CSMD1: variants seen among roughly 807,000 people sequenced by gnomAD.
The protein encoded by CSMD1 is CUB and sushi domain-containing protein 1.
A neutral mutation model predicts 417.5 loss-of-function variants in CSMD1; 213 were observed. The observed-to-expected ratio is 0.51, with a 90% confidence interval of 0.46 to 0.57. The LOEUF is 0.57. Ranked by LOEUF, CSMD1 falls within the 20% of genes least tolerant of loss-of-function variation. CSMD1 has a pLI of 0.00. For missense variants in CSMD1, 6,923 were observed against 4,529.7 expected (o/e 1.53, Z -15.17); for synonymous variants, 2,862 against 1,736.8 (o/e 1.65, Z -16.11).
intron 3 of CSMD1, among the ~76,000 whole-genome samples, chr8:4,090,964 G>A (rs1008125691): frequency 2.0e-5 from 3 of 151,204 alleles, no homozygotes; most frequent in Non-Finnish European, 4.4e-5. Flanking sequence ...TGTCACCCAG[G>A]CTGGAGTGCA....
At chr8:3,721,305 CG>C (rs1434407251) in intron 6 of CSMD1, among the ~76,000 whole-genome samples, 4 of 152,026 alleles carry the variant, frequency 2.6e-5, no homozygotes, top group Non-Finnish European at 4.4e-5. Context: ...GCCACATATT[CG>C]GGTGTGTAAG....
chr8:3,187,404 G>A (rs887139372), intron 36 of CSMD1, among the ~76,000 whole-genome samples: 11 of 152,190 alleles, frequency 7.2e-5, no homozygotes, highest in African/African-American at 2.4e-4. Flanking sequence ...GGAAGACTAA[G>A]AGAGGGTGGA....
At chr8:4,622,968 G>A (rs556385126) in intron 2 of CSMD1, among the ~76,000 whole-genome samples, 1 of 152,152 alleles carries the variant, frequency 6.6e-6, no homozygotes, top group South Asian at 2.1e-4. Context: ...TTTTTTATAT[G>A]TCACATGAAA....
At chr8:4,709,734 G>C (rs1432642260) in intron 1 of CSMD1, among the ~76,000 whole-genome samples, 1 of 152,158 alleles carries the variant, frequency 6.6e-6, no homozygotes, top group East Asian at 1.9e-4. Flanking sequence ...AGGAAGGCTG[G>C]GTGCAGGTGA....
intron 5 of CSMD1, among the ~76,000 whole-genome samples, chr8:3,894,414 C>T (rs556959724): frequency 6.6e-6 from 1 of 152,132 alleles, no homozygotes; most frequent in East Asian, 1.9e-4. Flanking sequence ...TTTCCAAAGA[C>T]CAGCATAATT....
intron 1 of CSMD1, among the ~76,000 whole-genome samples, chr8:4,826,795 G>C (rs1053584813): frequency 6.6e-6 from 1 of 152,092 alleles, no homozygotes; most frequent in Non-Finnish European, 1.5e-5. Flanking sequence ...GGAAGTACAG[G>C]CTTAATGTAC....
At chr8:3,951,829 G>C (rs969471559) in intron 5 of CSMD1, among the ~76,000 whole-genome samples, 1 of 151,506 alleles carries the variant, frequency 6.6e-6, no homozygotes, top group South Asian at 2.1e-4. Context: ...GTAACTCAAA[G>C]TTAACCCAAA....
At chr8:4,334,198 T>C (rs1344832506) in intron 3 of CSMD1, among the ~76,000 whole-genome samples, 1 of 152,146 alleles carries the variant, frequency 6.6e-6, no homozygotes, top group Non-Finnish European at 1.5e-5. Context: ...TGAGCCACCA[T>C]GCCTGGCCCT....
rs575362570 is a variant in CSMD1, at chr8:3,399,462, A to G, written c.2334T>C (p.Tyr778=). 31 of 1,610,648 alleles carry G rather than the reference A, an allele frequency of 1.9e-5. No individual in the cohort carries two copies. The South Asian group carries it at 2.7e-4, about 14-fold the overall frequency. The change falls in exon 16 of 70, where the codon TAT becomes TAC. Residue 778 remains tyrosine, a synonymous_variant. Coordinates refer to ENST00000635120, the MANE Select transcript of CSMD1 (RefSeq NM_033225.6). ...TCCATTCACAATGTAAAGAATCCTTATAATATCCTGGCCATCCAGGAGGCA... is the reference window on the plus strand; with the variant it reads ...TCCATTCACAATGTAAAGAATCCTTGTAATATCCTGGCCATCCAGGAGGCA... ...VILPPGWPGY[Y]KDSLHCEWII... is the part of the protein sequence containing the mutation.
intron 3 of CSMD1, among the ~76,000 whole-genome samples, chr8:4,405,098 G>T (rs1008258806): frequency 6.6e-6 from 1 of 152,206 alleles, no homozygotes; most frequent in African/African-American, 2.4e-5. Context: ...GCGTTCAGAA[G>T]AGATTTTCAG....
chr8:4,633,919 T>C (rs896131833), intron 2 of CSMD1, among the ~76,000 whole-genome samples: 2 of 151,210 alleles, frequency 1.3e-5, no homozygotes, highest in East Asian at 1.9e-4. Context: ...TGGACCTTAC[T>C]GGAGACTGGG....
Position 3,399,541 on chromosome 8 carries a change from C to A in CSMD1, c.2267-12G>T, listed in dbSNP as rs147344185. ...TCCACCACATGGAGCTAAAACAAGA[C>A]GTAGAATATCTATTAGATCCAATGA... On this transcript the variant is annotated splice_polypyrimidine_tract_variant and intron_variant, in intron 15 of 69. Coordinates refer to ENST00000635120, the MANE Select transcript of CSMD1 (RefSeq NM_033225.6). The A allele has an allele frequency of 5.1e-6, 8 of 1,567,802 alleles. No individual in the cohort carries two copies. The highest frequency in any genetic ancestry group is 2.7e-5 in the African/African-American group (2 of 73,120).
intron 51 of CSMD1, among the ~76,000 whole-genome samples, chr8:3,028,400 C>T (rs140213731): frequency 6.6e-6 from 1 of 152,224 alleles, no homozygotes; most frequent in African/African-American, 2.4e-5. Context: ...CAGGTCATTA[C>T]CCATCCAAAC....
At chr8:3,961,717 G>A (rs1191052646) in intron 5 of CSMD1, among the ~76,000 whole-genome samples, 1 of 152,202 alleles carries the variant, frequency 6.6e-6, no homozygotes, top group Non-Finnish European at 1.5e-5. Context: ...CGATACTCAT[G>A]GGAGCATTTC....
chr8:3,570,784 T>C (rs1439027733), intron 10 of CSMD1, among the ~76,000 whole-genome samples: 1 of 152,168 alleles, frequency 6.6e-6, no homozygotes, highest in Non-Finnish European at 1.5e-5. Flanking sequence ...GCAAGCAAGC[T>C]AATAAAGCGT....
chr8:4,137,304 G>C (rs1803499213), intron 3 of CSMD1, among the ~76,000 whole-genome samples: 1 of 152,208 alleles, frequency 6.6e-6, no homozygotes, highest in Non-Finnish European at 1.5e-5. Flanking sequence ...AATAGGACGT[G>C]TCAGTGGCAC....
At chr8:3,983,631 C>T (rs77020020) in intron 5 of CSMD1, among the ~76,000 whole-genome samples, 1 of 152,142 alleles carries the variant, frequency 6.6e-6, no homozygotes, top group Non-Finnish European at 1.5e-5. Context: ...ATTTTTCAAA[C>T]CATAGCCCAC....
chr8:3,927,821 G>A (rs1338349304), intron 5 of CSMD1, among the ~76,000 whole-genome samples: 2 of 152,072 alleles, frequency 1.3e-5, no homozygotes, highest in Non-Finnish European at 2.9e-5. Context: ...TTAAAAATAT[G>A]TCTCTCAGTG....
At chr8:4,342,066 C>A (rs1029433322) in intron 3 of CSMD1, among the ~76,000 whole-genome samples, 1 of 152,050 alleles carries the variant, frequency 6.6e-6, no homozygotes, top group Non-Finnish European at 1.5e-5. Context: ...CCTGAAGATC[C>A]TGCAGTTCAA....
Sources: gnomAD v4.1 joint callset for allele counts (sites outside exome capture counted in the v4.1 genomes callset) on GRCh38, gnomAD v4.1.1 for gene constraint, MANE v1.5 for transcripts, NCBI Gene and HGNC (gene_info 2026-07-23, HGNC 2026-07-21) for gene names.